Variants in STPG4 observed in about 807,000 individuals in gnomAD.
STPG4 encodes the protein sperm-tail PG-rich repeat containing 4.
Under a neutral mutation model 31.5 loss-of-function variants are expected in STPG4, and 41 were observed. The ratio of observed to expected loss-of-function variants is 1.30; its 90% CI spans 1.01 to 1.69. The LOEUF (loss-of-function observed/expected upper bound fraction) is 1.69. Ranked by LOEUF, STPG4 falls within the 40% of genes most tolerant of loss-of-function variation. The probability of loss-of-function intolerance (pLI) is 0.00; values close to 1 mark genes in which losing one functional copy is unlikely to be tolerated. For missense variants in STPG4, 375 were observed against 293.4 expected (o/e 1.28, Z -2.03); for synonymous variants, 141 against 103.0 (o/e 1.37, Z -2.24).
Position 47,145,620 on chromosome 2 carries a change from C to T in STPG4, c.399+5638G>A, listed in dbSNP as rs1180902460. The stretch of plus-strand genomic sequence containing the variant: ...AGCAATACACAGTTAAAGACAATCA[C>T]ATACACATAAGAAAACAAAATGAGT... On this transcript the variant is annotated intron_variant, in intron 3 of 6. Transcript: ENST00000445927. 5.3e-5 allele frequency among the ~76,000 whole-genome samples: 8 copies of T among 152,312 alleles called. No homozygotes were observed. In the South Asian group the frequency reaches 1.7e-3, roughly 32 times the overall value.
intron 6 of STPG4, among the ~76,000 whole-genome samples, chr2:47,087,545 C>T (rs982740488): frequency 6.6e-6 from 1 of 152,196 alleles, no homozygotes; most frequent in Non-Finnish European, 1.5e-5. Context: ...TAATTCTGAA[C>T]CTGATTGGTC....
intron 5 of STPG4, among the ~76,000 whole-genome samples, chr2:47,105,584 T>C (rs1269620250): frequency 3.9e-5 from 6 of 152,150 alleles, no homozygotes; most frequent in Non-Finnish European, 5.9e-5. Context: ...TGAGATGATC[T>C]CTTAGAAGTC....
At chr2:47,148,000 G>A (rs1440320838) in intron 3 of STPG4, among the ~76,000 whole-genome samples, 3 of 148,334 alleles carry the variant, frequency 2.0e-5, no homozygotes, top group Admixed American at 1.4e-4. Flanking sequence ...CGCCCAGGCT[G>A]GAGGGCAGTG....
intron 1 of STPG4, among the ~76,000 whole-genome samples, chr2:47,154,016 T>C (rs987553427): frequency 6.6e-6 from 1 of 152,208 alleles, no homozygotes; most frequent in African/African-American, 2.4e-5. Context: ...TTTAGTATAT[T>C]GCTGTTTGTC....
chr2:47,127,252 C>CTTTTTTTTTTTTTTTTTTTTTTTTTTT (rs57475505), intron 5 of STPG4, among the ~76,000 whole-genome samples: 9 of 57,476 alleles, frequency 1.6e-4, no homozygotes, highest in Admixed American at 2.6e-4. Context: ...CAAGCTAATT[C>CTTTTTTTTTTTTTTTTTTTTTTTTTTT]TTTTTTTTTT....
At chr2:47,097,116 A>G (rs1021359017) in intron 5 of STPG4, among the ~76,000 whole-genome samples, 9 of 152,204 alleles carry the variant, frequency 5.9e-5, no homozygotes, top group African/African-American at 2.2e-4. Flanking sequence ...GAGTGCACTC[A>G]GATTCATGTG....
rs201796380 is a variant in STPG4, at chr2:47,130,244, G to C, written c.416C>G (p.Pro139Arg). The change falls in exon 4 of 7, where the codon CCG becomes CGG. Residue 139 changes from proline (P) to arginine (R), a missense_variant. By Grantham distance (103) the Pro-to-Arg change is moderately radical. Transcript: ENST00000445927. ...TGCAGGAAGCACGTTGTATTGCCCC[G>C]GAGAAAGCTGAAGTGACTGCACAGA... ...VDKDQSLQLSPGQYNVLPAPV... is the reference protein window; with the variant it reads ...VDKDQSLQLSRGQYNVLPAPV... The C allele has an allele frequency of 6.2e-7, 1 of 1,614,032 alleles. No homozygotes were observed. Among genetic ancestry groups the C allele is most frequent in the East Asian group, 2.2e-5 (1 of 44,876 alleles).
rs70940657 is a variant in STPG4, at chr2:47,115,652, C to CTTTT, written c.519+14285_519+14288dup. On this transcript the variant is annotated intron_variant, in intron 5 of 6. Transcript: ENST00000445927. ...CTCCATCTCTTGTTCACATTAAAGG[C>CTTTT]TTTTTTTTTTTTTTTTTTGAGACAG... Among the ~76,000 whole-genome samples, 254 of 113,296 alleles carry CTTTT rather than the reference C, an allele frequency of 2.2e-3. 5 individuals carry two copies. Among genetic ancestry groups the CTTTT allele is most frequent in the Non-Finnish European group, 3.0e-3 (176 of 59,280 alleles). The allele number at this position is 113,296 out of a possible 152,430, so 74.3% of individuals were successfully genotyped here. A position where few individuals can be genotyped will look rare whatever the true frequency, so the allele number is the denominator to read the frequency against.
intron 5 of STPG4, chr2:47,108,511 ACACT>A (rs1365964179): frequency 6.0e-6 from 1 of 165,890 alleles, no homozygotes; most frequent in African/African-American, 2.4e-5. Context: ...AAGAGCTGTA[ACACT>A]CACTGCGAGT....
At chr2:47,137,058 C>G (rs527272847) in intron 3 of STPG4, among the ~76,000 whole-genome samples, 2 of 152,292 alleles carry the variant, frequency 1.3e-5, no homozygotes, top group African/African-American at 4.8e-5. Flanking sequence ...ACATCCTTGC[C>G]TTTTTCCTGA....
intron 5 of STPG4, among the ~76,000 whole-genome samples, chr2:47,092,050 T>C (rs949860209): frequency 1.4e-5 from 2 of 147,874 alleles, no homozygotes; most frequent in African/African-American, 2.5e-5. Flanking sequence ...AAACTTGGAA[T>C]GAAATTATCT....
chr2:47,135,697 T>C (rs1249623169), intron 3 of STPG4, among the ~76,000 whole-genome samples: 1 of 152,170 alleles, frequency 6.6e-6, no homozygotes, highest in African/African-American at 2.4e-5. Flanking sequence ...TCTTCTTTTT[T>C]GAATGTGGAT....
intron 5 of STPG4, among the ~76,000 whole-genome samples, chr2:47,115,652 C>G (rs570635504): frequency 8.8e-6 from 1 of 113,316 alleles, no homozygotes; most frequent in Non-Finnish European, 1.7e-5. Context: ...ACATTAAAGG[C>G]TTTTTTTTTT....
chr2:47,090,869 A>C (rs1350020416), intron 5 of STPG4, among the ~76,000 whole-genome samples: 1 of 150,588 alleles, frequency 6.6e-6, no homozygotes, highest in African/African-American at 2.5e-5. Context: ...CTATGAGATA[A>C]ACATAAATAG....
intron 3 of STPG4, among the ~76,000 whole-genome samples, chr2:47,139,684 A>G (rs2103792790): frequency 6.6e-6 from 1 of 152,280 alleles, no homozygotes; most frequent in Admixed American, 6.5e-5. Context: ...AGATGATGCC[A>G]TATTTACCAA....
At chr2:47,087,700 TAA>T (rs1685483619) in intron 6 of STPG4, among the ~76,000 whole-genome samples, 1 of 152,338 alleles carries the variant, frequency 6.6e-6, no homozygotes, top group Non-Finnish European at 1.5e-5. Flanking sequence ...TTCTAATTTT[TAA>T]AAGTCATGTT....
intron 5 of STPG4, among the ~76,000 whole-genome samples, chr2:47,105,389 T>C (rs542330231): frequency 5.1e-4 from 78 of 152,076 alleles, no homozygotes; most frequent in African/African-American, 1.8e-3. Flanking sequence ...AATGGCATAC[T>C]AGGTGCCAAA....
At chr2:47,153,116 C>T (rs1434565313) in intron 1 of STPG4, 100 bp from the exon 2 acceptor site, 7 of 753,692 alleles carry the variant, frequency 9.3e-6, no homozygotes, top group East Asian at 2.6e-5. Context: ...CACACCCATA[C>T]CCAACTGATA....
Position 47,087,118 on chromosome 2 carries a change from G to T in STPG4, c.637C>A (p.Pro213Thr). ...FLPSCSKTPGPGAYTTLRQFP... is the reference protein window; with the variant it reads ...FLPSCSKTPGTGAYTTLRQFP... ...TGTCTTAAAGTTGTATATGCTCCTGGGCCTGGGGTTTTCTGAAAACAGAGC... is the reference window on the plus strand; with the variant it reads ...TGTCTTAAAGTTGTATATGCTCCTGTGCCTGGGGTTTTCTGAAAACAGAGC... Residue 213 changes from proline to threonine, a missense_variant, in exon 7 of 7, where the codon CCA (proline) becomes ACA (threonine). Transcript: ENST00000445927. 6.4e-7 allele frequency: 1 copy of T among 1,551,746 alleles called. No individual in the cohort carries two copies. The highest frequency in any genetic ancestry group is 1.2e-5 in the South Asian group (1 of 84,042).
Sources: gnomAD v4.1 joint callset for allele counts (sites outside exome capture counted in the v4.1 genomes callset) on GRCh38, gnomAD v4.1.1 for gene constraint, MANE v1.5 for transcripts, NCBI Gene and HGNC (gene_info 2026-07-23, HGNC 2026-07-21) for gene names.